Variants in TBC1D10B observed in about 807,000 individuals in gnomAD.
The protein encoded by TBC1D10B is Rab27A-GAPbeta.
A neutral mutation model predicts 78.4 loss-of-function variants in TBC1D10B; 25 were observed. The ratio of observed to expected loss-of-function variants is 0.32; its 90% confidence interval spans 0.23 to 0.45. The LOEUF is 0.45. Ranked by LOEUF, TBC1D10B falls within the 20% of genes least tolerant of loss-of-function variation. The pLI, the probability that TBC1D10B is intolerant of heterozygous loss-of-function variation, is 1.00. For synonymous variants in TBC1D10B, 517 were observed against 478.0 expected, an observed-to-expected ratio of 1.08 and a Z score of -1.06; for missense variants, 996 against 1,104.8, an observed-to-expected ratio of 0.90 and a Z score of 1.40.
In TBC1D10B at chr16:30,358,015, C is replaced by T. The variant is rs147379616; in HGVS notation, c.2356G>A (p.Asp786Asn). ...GRKLSLRRKA[D>N]GPPGPHDGGD... ...CCATCATGGGGGCCTGGGGGCCCATCTGCCTTTCGACGCAGCGAAAGCTTC... is the reference window on the plus strand; with the variant it reads ...CCATCATGGGGGCCTGGGGGCCCATTTGCCTTTCGACGCAGCGAAAGCTTC... The change falls in exon 9 of 9, where the codon GAT becomes AAT. Residue 786 changes from aspartate (D) to asparagine (N), a missense_variant. Transcript: ENST00000409939. 74 of 1,551,720 alleles carry T rather than the reference C, an allele frequency of 4.8e-5. No homozygotes were observed. The Middle Eastern group carries it at 8.3e-4, about 17-fold the overall frequency.
At chr16:30,361,493 G>A (rs538526333) in intron 4 of TBC1D10B, among the ~76,000 whole-genome samples, 28 of 152,182 alleles carry the variant, frequency 1.8e-4, no homozygotes, top group African/African-American at 6.0e-4. Context: ...GCAATGGTGC[G>A]ATCCCAGCTC....
intron 1 of TBC1D10B, chr16:30,368,049 A>G (rs1052023174): frequency 6.6e-6 from 1 of 152,180 alleles, no homozygotes; most frequent in East Asian, 1.9e-4. Flanking sequence ...AACTGCACTA[A>G]TTGTTTCTTC....
chr16:30,359,686 G>C, intron 5 of TBC1D10B, 41 bp downstream of exon 5: 1 of 1,554,124 alleles, frequency 6.4e-7, no homozygotes. Flanking sequence ...TGTAGGGTGA[G>C]ATCCCCCCTG....
chr16:30,362,551 A>G (rs1227994284), intron 4 of TBC1D10B, among the ~76,000 whole-genome samples: 1 of 151,968 alleles, frequency 6.6e-6, no homozygotes, highest in Non-Finnish European at 1.5e-5. Flanking sequence ...TTTCGCATCA[A>G]TTCCTTTTGT....
At chr16:30,362,368 C>A (rs2049605139) in intron 4 of TBC1D10B, among the ~76,000 whole-genome samples, 1 of 152,196 alleles carries the variant, frequency 6.6e-6, no homozygotes, top group Admixed American at 6.5e-5. Context: ...TTTATTGGAC[C>A]CTTCAGCAGC....
intron 8 of TBC1D10B, 42 bp downstream of exon 8, chr16:30,358,621 G>C (rs767355720): frequency 1.9e-6 from 3 of 1,588,642 alleles, no homozygotes; most frequent in Non-Finnish European, 1.7e-6. Context: ...GGGTGGGAGC[G>C]GGCTGAGGCA....
rs760706450 is a variant in TBC1D10B, at chr16:30,358,832, AGT to A, written c.1643-17_1643-16del. On this transcript the variant is annotated splice_polypyrimidine_tract_variant and intron_variant, in intron 7 of 8. Coordinates refer to ENST00000409939, the MANE Select transcript of TBC1D10B (RefSeq NM_015527.4). ...GATCTTAACGCCTGCAGGGGTGGAGAGTAGAGAGCATGGGGTGGTCAGACCCA... is the reference window on the plus strand; with the variant it reads ...GATCTTAACGCCTGCAGGGGTGGAGAAGAGAGCATGGGGTGGTCAGACCCA... 3.1e-6 allele frequency: 5 copies of A among 1,596,660 alleles called. No individual in the cohort carries two copies. Among genetic ancestry groups the A allele is most frequent in the Non-Finnish European group, 1.7e-6 (2 of 1,171,354 alleles).
Position 30,358,742 on chromosome 16 carries a change from C to G in TBC1D10B, c.1718G>C (p.Cys573Ser). The stretch of plus-strand genomic sequence containing the variant: ...CTCCATGGTCTCATACATGCCTTGG[C>G]AGGAGCGCAGCTTCTCCACTGAGCC... ...TLGSVEKLRS[C>S]QGMYETMEQL... The change falls in exon 8 of 9, where the codon TGC becomes TCC. Residue 573 changes from cysteine to serine, a missense_variant. Around this residue, in one of 5 missense-constraint regions of TBC1D10B, gnomAD observed 168 missense variants for 238.7 expected, o/e 0.70. Transcript: ENST00000409939. 6.2e-7 allele frequency: 1 copy of G among 1,609,480 alleles called. No individual in the cohort carries two copies. The highest frequency in any genetic ancestry group is 2.2e-5 in the East Asian group (1 of 44,700).
In TBC1D10B at chr16:30,369,804, G is replaced by A; in HGVS notation, c.380C>T (p.Ala127Val). ...VAGVETSRALAAGADSPKTEE... is the reference protein window; with the variant it reads ...VAGVETSRALVAGADSPKTEE... ...TGTCTTCGGCGAGTCTGCCCCTGCG[G>A]CCAGAGCCCTCGATGTCTCAACTCC... The change falls in exon 1 of 9, where the codon GCC (alanine) becomes GTC (valine). Residue 127 changes from alanine (A) to valine (V), a missense_variant. Coordinates refer to ENST00000409939, the MANE Select transcript of TBC1D10B (RefSeq NM_015527.4). This position sits in a 1 kb window ranked among gnomAD's most constrained non-coding sequence, Gnocchi z 4.3. 7.0e-7 allele frequency: 1 copy of A among 1,426,682 alleles called. No individual in the cohort carries two copies. The highest frequency in any genetic ancestry group is 1.5e-5 in the South Asian group (1 of 66,224). The allele number at this position is 1,426,682 out of a possible 1,614,324, so 88.4% of individuals were successfully genotyped here. A position where few individuals can be genotyped will look rare whatever the true frequency, so the allele number is the denominator to read the frequency against.
In TBC1D10B at chr16:30,357,775, A is replaced by G. The variant is rs1010260840; in HGVS notation, c.*169T>C. On this transcript the variant is annotated 3_prime_UTR_variant, in exon 9 of 9. Coordinates refer to ENST00000409939, the MANE Select transcript of TBC1D10B (RefSeq NM_015527.4). Reference sequence around the variant, plus strand: ...GCTCCAGACTCATTTGCAGCTGCCCATCTGTCCTGCCCGTGTAGGGATCAG... The same window carrying G: ...GCTCCAGACTCATTTGCAGCTGCCCGTCTGTCCTGCCCGTGTAGGGATCAG... 4.0e-5 allele frequency: 37 copies of G among 924,410 alleles called. No individual in the cohort carries two copies. The highest frequency in any genetic ancestry group is 5.8e-5 in the Non-Finnish European group (37 of 634,004). The allele number at this position is 924,410 out of a possible 1,614,324, so 57.3% of individuals were successfully genotyped here.
At position 30,357,127 on chromosome 16, in the gene TBC1D10B, C is replaced by G. The variant is rs1483625005; in HGVS notation, c.*817G>C. ...CCAGGTACAACAGCAGGTTCTTTTC[C>G]AATTCCTCAAAGCGCTGCATGGGGT... On this transcript the variant is annotated 3_prime_UTR_variant, in exon 9 of 9. Coordinates refer to ENST00000409939, the MANE Select transcript of TBC1D10B (RefSeq NM_015527.4). The G allele has an allele frequency of 1.3e-5, 2 of 152,960 alleles. No homozygotes were observed. Among genetic ancestry groups the G allele is most frequent in the African/African-American group, 2.4e-5 (1 of 41,436 alleles). The allele number at this position is 152,960 out of a possible 1,614,324, so 9.5% of individuals were successfully genotyped here.
rs761315841 is a variant in TBC1D10B, at chr16:30,369,281, C to T, written c.903G>A (p.Leu301=). 32 of 1,587,728 alleles carry T rather than the reference C, an allele frequency of 2.0e-5. No individual in the cohort carries two copies. The highest frequency in any genetic ancestry group is 3.3e-4 in the Middle Eastern group (2 of 6,054). The change falls in exon 1 of 9, where the codon CTG becomes CTA. Residue 301 remains leucine (L), a synonymous_variant. Coordinates refer to ENST00000409939, the MANE Select transcript of TBC1D10B (RefSeq NM_015527.4). This position sits in a 1 kb window ranked among gnomAD's most constrained non-coding sequence, Gnocchi z 4.3. ...GSDSEINGLA[L]RKTDKYGFLG... ...GGAAGCCATACTTGTCCGTCTTGCG[C>T]AGGGCCAGCCCGTTTATCTCTGAAT... is the stretch of plus-strand genomic sequence containing the variant.
chr16:30,357,834 T>C lies in TBC1D10B; in HGVS notation c.*110A>G, dbSNP rs1318964968. The C allele has an allele frequency of 8.5e-6, 12 of 1,416,582 alleles. No individual in the cohort carries two copies. The highest frequency in any genetic ancestry group is 1.4e-5 in the African/African-American group (1 of 69,284). The allele number at this position is 1,416,582 out of a possible 1,614,324, so 87.8% of individuals were successfully genotyped here. A position where few individuals can be genotyped will look rare whatever the true frequency, so the allele number is the denominator to read the frequency against. The stretch of plus-strand genomic sequence containing the variant: ...GAGGAGATGGGGAACCAAGCCACTT[T>C]CCCCAGCAAGGGACAGCCTGACAAG... On this transcript the variant is annotated 3_prime_UTR_variant, in exon 9 of 9. Coordinates refer to ENST00000409939, the MANE Select transcript of TBC1D10B (RefSeq NM_015527.4).
intron 4 of TBC1D10B, 119 bp downstream of exon 4, chr16:30,364,781 T>G (rs112658539): frequency 5.2e-5 from 43 of 821,062 alleles, no homozygotes; most frequent in African/African-American, 4.1e-4. Context: ...TACAGATAGC[T>G]CTTCTACAAG....
chr16:30,362,866 G>A (rs773377030), intron 4 of TBC1D10B, among the ~76,000 whole-genome samples: 1 of 151,930 alleles, frequency 6.6e-6, no homozygotes, highest in African/African-American at 2.4e-5. Flanking sequence ...GCAAAACCCC[G>A]TCTCTAATAA....
At chr16:30,367,804 C>T (rs1021734012) in intron 1 of TBC1D10B, 2 of 152,152 alleles carry the variant, frequency 1.3e-5, no homozygotes, top group South Asian at 2.1e-4. Flanking sequence ...CTGAACGCTG[C>T]GAAAGTAACA....
rs1370997420 is a variant in TBC1D10B, at chr16:30,370,349, CG to C, written c.-167del. 2.6e-5 allele frequency: 5 copies of C among 191,920 alleles called. No individual in the cohort carries two copies. Among genetic ancestry groups the C allele is most frequent in the Non-Finnish European group, 5.0e-5 (5 of 99,080 alleles). The allele number at this position is 191,920 out of a possible 1,614,324, so 11.9% of individuals were successfully genotyped here. ...GGGCGCGCAGAGGCGGGGCAGGGGT[CG>C]GGGGGCGCCGCGCGCCGGGGTCTCT... On this transcript the variant is annotated 5_prime_UTR_variant, in exon 1 of 9. Transcript: ENST00000409939.
intron 4 of TBC1D10B, among the ~76,000 whole-genome samples, chr16:30,364,453 A>T (rs928969065): frequency 3.3e-5 from 5 of 151,374 alleles, no homozygotes; most frequent in Admixed American, 2.0e-4. Flanking sequence ...AAAACAAAAC[A>T]AAAAAAAGTC....
chr16:30,358,684 C>T lies in TBC1D10B; in HGVS notation c.1776G>A (p.Gln592=). 1.9e-6 allele frequency: 3 copies of T among 1,607,858 alleles called. No individual in the cohort carries two copies. Among genetic ancestry groups the T allele is most frequent in the Non-Finnish European group, 2.6e-6 (3 of 1,175,544 alleles). The part of the protein sequence containing the change: ...QLRNLPQQCM[Q]EDFLVHEVTN... ...CTACCTCATGCACCAGGAAGTCTTC[C>T]TGCATGCACTGCTGGGGCAGGTTAC... is the stretch of plus-strand genomic sequence containing the variant. Residue 592 remains glutamine (Q), a synonymous_variant, in exon 8 of 9, where the codon CAG becomes CAA. Transcript: ENST00000409939.
Sources: allele counts gnomAD v4.1 joint callset (sites outside exome capture counted in the v4.1 genomes callset), GRCh38; gene constraint gnomAD v4.1.1; regional missense constraint gnomAD v4.1.1; non-coding constraint Gnocchi (gnomAD v3.1); transcripts MANE v1.5; gene names NCBI Gene and HGNC (gene_info 2026-07-23, HGNC 2026-07-21).